Variants in COG7 observed in about 807,000 individuals in gnomAD.
COG7 encodes the protein conserved oligomeric Golgi complex subunit 7.
A neutral mutation model predicts 91.5 loss-of-function variants in COG7; 49 were observed. That is an observed-to-expected ratio of 0.54 (90% confidence interval 0.43 to 0.68). The LOEUF is 0.68. Among genes scored for constraint, COG7 ranks in the 30% least tolerant of loss-of-function variants. COG7 has a pLI of 0.00. For missense variants in COG7, 895 were observed against 961.3 expected, an observed-to-expected ratio of 0.93 and a Z score of 0.91; for synonymous variants, 365 against 388.7, an observed-to-expected ratio of 0.94 and a Z score of 0.72.
chr16:23,447,421 G>A (rs1473553383), intron 1 of COG7: 1 of 150,780 alleles, frequency 6.6e-6, no homozygotes, highest in Admixed American at 6.6e-5. Flanking sequence ...GTGTAGGTCA[G>A]GCTAGTCTCA....
chr16:23,390,462 C>T (rs1963175607), intron 16 of COG7, among the ~76,000 whole-genome samples: 1 of 152,106 alleles, frequency 6.6e-6, no homozygotes, highest in Admixed American at 6.6e-5. Context: ...CCTCAGCCTC[C>T]CAAAGTGCTG....
At chr16:23,422,255 G>A (rs1302233471) in intron 7 of COG7, among the ~76,000 whole-genome samples, 3 of 152,018 alleles carry the variant, frequency 2.0e-5, no homozygotes, top group East Asian at 3.9e-4. Flanking sequence ...CAAGGCTACA[G>A]TAAGCTGTGA....
chr16:23,439,375 G>A (rs892577448), intron 4 of COG7, among the ~76,000 whole-genome samples: 14 of 150,512 alleles, frequency 9.3e-5, no homozygotes, highest in Admixed American at 2.7e-4. Context: ...ATCCCTAAAG[G>A]AATTGAAAGC....
In COG7 at chr16:23,453,125, C is replaced by G; in HGVS notation, c.-131G>C. Reference sequence around the variant, plus strand: ...GAGGCGAACCCCAGAAACGCCAGGACGGGTAACTTGCCCCTTTGCGCTTCC... The same window carrying G: ...GAGGCGAACCCCAGAAACGCCAGGAGGGGTAACTTGCCCCTTTGCGCTTCC... On this transcript the variant is annotated 5_prime_UTR_variant, in exon 1 of 17. Transcript: ENST00000307149. 2 of 1,495,590 alleles carry G rather than the reference C, an allele frequency of 1.3e-6. No individual in the cohort carries two copies. Among genetic ancestry groups the G allele is most frequent in the Non-Finnish European group, 1.8e-6 (2 of 1,119,362 alleles). The allele number at this position is 1,495,590 out of a possible 1,614,324, so 92.6% of individuals were successfully genotyped here.
chr16:23,453,084 A>ACCGAGGCTAGCCT lies in COG7; in HGVS notation c.-103_-91dup. ...CAGAAGCGAGCGAGCCTGCGAGAGC[A>ACCGAGGCTAGCCT]CCGAGGCTAGCCTCCGAGGCGAACC... On this transcript the variant is annotated 5_prime_UTR_variant, in exon 1 of 17. Transcript: ENST00000307149. 1 of 1,586,156 alleles carries ACCGAGGCTAGCCT rather than the reference A, an allele frequency of 6.3e-7. No homozygotes were observed. Among genetic ancestry groups the ACCGAGGCTAGCCT allele is most frequent in the Non-Finnish European group, 8.6e-7 (1 of 1,165,026 alleles).
chr16:23,408,006 G>C (rs1353086776), intron 11 of COG7, among the ~76,000 whole-genome samples: 1 of 147,832 alleles, frequency 6.8e-6, no homozygotes, highest in African/African-American at 2.5e-5. Context: ...CGAGGATTGA[G>C]TTTAATTAAC....
At chr16:23,441,567 T>G (rs760320617) in intron 4 of COG7, among the ~76,000 whole-genome samples, 2 of 152,102 alleles carry the variant, frequency 1.3e-5, no homozygotes, top group African/African-American at 4.8e-5. Flanking sequence ...ACAGCGAGAC[T>G]TCGTCTTAAA....
At chr16:23,449,734 A>C (rs1964238141) in intron 1 of COG7, among the ~76,000 whole-genome samples, 1 of 150,288 alleles carries the variant, frequency 6.7e-6, no homozygotes, top group East Asian at 2.0e-4. Context: ...CTGGGCAACA[A>C]GATTGAAACT....
chr16:23,421,696 G>T (rs983502211), intron 7 of COG7, among the ~76,000 whole-genome samples: 1 of 151,526 alleles, frequency 6.6e-6, no homozygotes, highest in Admixed American at 6.6e-5. Context: ...AGGCACCTTC[G>T]TTCACTACTG....
intron 9 of COG7, chr16:23,414,742 A>G (rs977431601): frequency 6.6e-6 from 1 of 152,250 alleles, no homozygotes; most frequent in African/African-American, 2.4e-5. Flanking sequence ...AGAGCTGGAC[A>G]TAAAGGAGGG....
intron 9 of COG7, 146 bp from the exon 10 acceptor site, chr16:23,413,710 A>T (rs970275749): frequency 3.0e-6 from 2 of 668,454 alleles, no homozygotes; most frequent in Non-Finnish European, 5.5e-6. Flanking sequence ...AACTGCTTGT[A>T]AACCTCTGAA....
Position 23,388,853 on chromosome 16 carries a change from C to A in COG7, c.*67G>T, listed in dbSNP as rs1257724493. ...CCCAATCTTGGGCAGAGTTTCTGAGCAAATCTGTGCTGGTGAGTCGCGAAA... is the reference window on the plus strand; with the variant it reads ...CCCAATCTTGGGCAGAGTTTCTGAGAAAATCTGTGCTGGTGAGTCGCGAAA... On this transcript the variant is annotated 3_prime_UTR_variant, in exon 17 of 17. Transcript: ENST00000307149. The A allele has an allele frequency of 1.2e-6, 2 of 1,609,314 alleles. No homozygotes were observed. The highest frequency in any genetic ancestry group is 1.7e-6 in the Non-Finnish European group (2 of 1,178,544).
Position 23,417,648 on chromosome 16 carries a change from A to C in COG7, c.1138-527T>G, listed in dbSNP as rs758511399. On this transcript the variant is annotated intron_variant, in intron 8 of 16. Coordinates refer to ENST00000307149, the MANE Select transcript of COG7 (RefSeq NM_153603.4). ...GTGACATGCACCTGTAGTCCCAACTACTGGGAAGCTGAGGTGGGAGGATCG... is the reference window on the plus strand; with the variant it reads ...GTGACATGCACCTGTAGTCCCAACTCCTGGGAAGCTGAGGTGGGAGGATCG... Among the ~76,000 whole-genome samples, 5 of 152,226 alleles carry C rather than the reference A, an allele frequency of 3.3e-5. No homozygotes were observed. The South Asian group carries it at 6.2e-4, about 19-fold the overall frequency.
intron 16 of COG7, among the ~76,000 whole-genome samples, chr16:23,390,505 C>T (rs960360087): frequency 2.0e-5 from 3 of 150,784 alleles, no homozygotes; most frequent in African/African-American, 7.3e-5. Context: ...CGCTCAGTGC[C>T]CCCCCACCGG....
chr16:23,446,177 G>A (rs925481957), intron 1 of COG7, among the ~76,000 whole-genome samples: 1 of 152,138 alleles, frequency 6.6e-6, no homozygotes, highest in Non-Finnish European at 1.5e-5. Context: ...CCAGACTGAT[G>A]GGAAAGGGCC....
rs4967954 is a variant in COG7 at position 23,413,878 on chromosome 16, G to A, written c.1293-314C>T. On this transcript the variant is annotated intron_variant, in intron 9 of 16. Coordinates refer to ENST00000307149, the MANE Select transcript of COG7 (RefSeq NM_153603.4). ...ATGCTGATAAATCCCCCCTCATCCA[G>A]ATAAGTACATTTCTGTGAAAGCAGG... The A allele has an allele frequency of 0.061, 20,067 of 331,580 alleles. 1,213 individuals carry two copies. Among genetic ancestry groups the A allele is most frequent in the African/African-American group, 0.2 (9,357 of 47,048 alleles). 20.5% of individuals were successfully genotyped at this position (331,580 alleles called of 1,614,324 possible).
intron 13 of COG7, among the ~76,000 whole-genome samples, chr16:23,403,267 A>G (rs574630852): frequency 6.6e-6 from 1 of 152,328 alleles, no homozygotes; most frequent in South Asian, 2.1e-4. Context: ...CCCCTCAAAA[A>G]CACAAGTTCA....
chr16:23,400,258 T>C (rs1041195587), intron 13 of COG7, among the ~76,000 whole-genome samples: 4 of 150,316 alleles, frequency 2.7e-5, no homozygotes, highest in African/African-American at 4.9e-5. Context: ...CTGCAGAAAA[T>C]TGGGGTGGGG....
chr16:23,444,899 C>A, intron 3 of COG7, 149 bp downstream of exon 3: 1 of 750,168 alleles, frequency 1.3e-6, no homozygotes, highest in East Asian at 2.5e-5. Flanking sequence ...GCTGGAAACA[C>A]ACCGAGCAGC....
Sources: gnomAD v4.1 joint callset for allele counts (sites outside exome capture counted in the v4.1 genomes callset) on GRCh38, gnomAD v4.1.1 for gene constraint, MANE v1.5 for transcripts, NCBI Gene and HGNC (gene_info 2026-07-23, HGNC 2026-07-21) for gene names.